The following ZBTB5 variants were observed in gnomAD, a reference collection of about 807,000 sequenced individuals.
ZBTB5 encodes zinc finger and BTB domain-containing protein 5.
ZBTB5 carries 15 observed loss-of-function variants against 37.9 expected under a neutral mutation model. That is an observed-to-expected ratio of 0.40 (90% CI 0.26 to 0.61). The LOEUF is 0.61. Among genes scored for constraint, ZBTB5 ranks in the 20% least tolerant of loss-of-function variants. The pLI, the probability that ZBTB5 is intolerant of heterozygous loss-of-function variation, is 0.47. For missense variants in ZBTB5, 708 were observed against 856.8 expected (o/e 0.83, Z 2.17); for synonymous variants, 315 against 312.4 (o/e 1.01, Z -0.09).
At chr9:37,449,487 C>T (rs1028899628) in intron 1 of ZBTB5, among the ~76,000 whole-genome samples, 1 of 151,926 alleles carries the variant, frequency 6.6e-6, no homozygotes, top group Non-Finnish European at 1.5e-5. Flanking sequence ...CACTTGAGGC[C>T]AGGAGTTTGC....
intron 1 of ZBTB5, among the ~76,000 whole-genome samples, chr9:37,458,767 T>C (rs1824236405): frequency 6.6e-6 from 1 of 152,226 alleles, no homozygotes; most frequent in South Asian, 2.1e-4. Flanking sequence ...GAAATCAGTA[T>C]TTTCCAAATG....
In ZBTB5 at chr9:37,441,211, C is replaced by T; in HGVS notation, c.1341G>A (p.Leu447=). 1.2e-6 allele frequency: 2 copies of T among 1,614,170 alleles called. No individual in the cohort carries two copies. Among genetic ancestry groups the T allele is most frequent in the South Asian group, 2.2e-5 (2 of 91,074 alleles). ...DCRLESEAPY[L]LSPEAGPAGG... ...CTGCAGGCCCAGCCTCTGGACTCAA[C>T]AAATAGGGGGCCTCACTCTCCAGCC... is the stretch of plus-strand genomic sequence containing the variant. Residue 447 remains leucine, a synonymous_variant, in exon 2 of 2, where the codon TTG becomes TTA. Transcript: ENST00000307750.
rs755198535 is a variant in ZBTB5, at chr9:37,442,441, G to C, written c.111C>G (p.Ala37=). The change falls in exon 2 of 2, where the codon GCC becomes GCG. Residue 37 remains alanine, a synonymous_variant. Coordinates refer to ENST00000307750, the MANE Select transcript of ZBTB5 (RefSeq NM_014872.3). ...TGCATGCTGCCAGCACGGAGCGGTG[G>C]GCTTTAAAGTGTCTATTCCCCACTA... is the stretch of plus-strand genomic sequence containing the variant. ...VIVVGNRHFK[A]HRSVLAACST... is the part of the protein sequence containing the mutation. 1.9e-6 allele frequency: 3 copies of C among 1,614,104 alleles called. No homozygotes were observed. Among genetic ancestry groups the C allele is most frequent in the East Asian group, 4.5e-5 (2 of 44,882 alleles).
chr9:37,451,931 T>C (rs955388060), intron 1 of ZBTB5, among the ~76,000 whole-genome samples: 3 of 152,186 alleles, frequency 2.0e-5, no homozygotes, highest in African/African-American at 7.2e-5. Flanking sequence ...AAAAGGCCGA[T>C]CTGAGGTTCA....
intron 1 of ZBTB5, among the ~76,000 whole-genome samples, chr9:37,459,927 G>A (rs1462980957): frequency 6.6e-6 from 1 of 150,466 alleles, no homozygotes; most frequent in Non-Finnish European, 1.5e-5. Context: ...AGTCAGGATG[G>A]TCTCGATCTC....
chr9:37,464,840 G>A (rs1824360861), intron 1 of ZBTB5, among the ~76,000 whole-genome samples: 1 of 152,220 alleles, frequency 6.6e-6, no homozygotes, highest in African/African-American at 2.4e-5. Context: ...CCCAGGATGG[G>A]GGCAAGGGAG....
At chr9:37,456,092 A>G (rs1824183027) in intron 1 of ZBTB5, among the ~76,000 whole-genome samples, 1 of 152,016 alleles carries the variant, frequency 6.6e-6, no homozygotes, top group South Asian at 2.1e-4. Context: ...CTGGGACTAC[A>G]GGTGCGTGTC....
In ZBTB5 at chr9:37,438,322, A is replaced by T. The variant is rs1356320007; in HGVS notation, c.*2196T>A. 1 of 152,654 alleles carries T rather than the reference A, an allele frequency of 6.6e-6. No homozygotes were observed. Among genetic ancestry groups the T allele is most frequent in the African/African-American group, 2.4e-5 (1 of 41,454 alleles). The allele number at this position is 152,654 out of a possible 1,614,324, so 9.5% of individuals were successfully genotyped here. ...ATAATCCAGGTAGAAACTACAGATC[A>T]TAGGAACCCTGGGACTGGTTTTCCA... On this transcript the variant is annotated 3_prime_UTR_variant, in exon 2 of 2. Coordinates refer to ENST00000307750, the MANE Select transcript of ZBTB5 (RefSeq NM_014872.3).
chr9:37,440,001 T>G lies in ZBTB5; in HGVS notation c.*517A>C, dbSNP rs1410162559. Reference sequence around the variant, plus strand: ...AGGTAAAAATAAAAAATACAGTACTTTGAGGCCTAGGACTAGCTCATGATA... The same window carrying G: ...AGGTAAAAATAAAAAATACAGTACTGTGAGGCCTAGGACTAGCTCATGATA... On this transcript the variant is annotated 3_prime_UTR_variant, in exon 2 of 2. Transcript: ENST00000307750. 1 of 159,050 alleles carries G rather than the reference T, an allele frequency of 6.3e-6. No individual in the cohort carries two copies. The highest frequency in any genetic ancestry group is 1.8e-4 in the South Asian group (1 of 5,440). The allele number at this position is 159,050 out of a possible 1,614,324, so 9.9% of individuals were successfully genotyped here. A position where few individuals can be genotyped will look rare whatever the true frequency, so the allele number is the denominator to read the frequency against.
rs1310817744 is a variant in ZBTB5 at position 37,465,417 on chromosome 9, A to G, written c.-207T>C. On this transcript the variant is annotated 5_prime_UTR_variant, in exon 1 of 2. Transcript: ENST00000307750. The stretch of plus-strand genomic sequence containing the variant: ...CAGTTCGCCGCAGCACTCTGAGAAC[A>G]CGGCGGCGGCGCCCGAGGATAAGCG... 6.7e-6 allele frequency: 1 copy of G among 149,534 alleles called. No individual in the cohort carries two copies. The highest frequency in any genetic ancestry group is 1.5e-5 in the Non-Finnish European group (1 of 67,650). 9.3% of individuals were successfully genotyped at this position (149,534 alleles called of 1,614,324 possible).
intron 1 of ZBTB5, among the ~76,000 whole-genome samples, chr9:37,455,756 A>G (rs1305624291): frequency 6.6e-6 from 1 of 152,052 alleles, no homozygotes; most frequent in Non-Finnish European, 1.5e-5. Flanking sequence ...TAGACAGAAC[A>G]TTTCCTCCAC....
Position 37,463,542 on chromosome 9 carries a change from A to C in ZBTB5, c.-5+1673T>G, listed in dbSNP as rs182252645. The stretch of plus-strand genomic sequence containing the variant: ...CACCAGGTTTTGTCAATTTCACTGA[A>C]CACAAGATATTTTAAAGTCTCCAAT... On this transcript the variant is annotated intron_variant, in intron 1 of 1. Coordinates refer to ENST00000307750, the MANE Select transcript of ZBTB5 (RefSeq NM_014872.3). Among the ~76,000 whole-genome samples the C allele has an allele frequency of 2.9e-4, 44 of 152,336 alleles. 2 individuals carry two copies. Among genetic ancestry groups the C allele is most frequent in the African/African-American group, 1.1e-3 (44 of 41,570 alleles).
intron 1 of ZBTB5, among the ~76,000 whole-genome samples, chr9:37,464,768 G>A (rs1305578005): frequency 7.9e-5 from 12 of 152,346 alleles, no homozygotes; most frequent in Non-Finnish European, 4.4e-5. Context: ...GTCGGCCGCT[G>A]GCTCCCGATG....
chr9:37,441,679 A>G lies in ZBTB5; in HGVS notation c.873T>C (p.Arg291=). 1.2e-6 allele frequency: 2 copies of G among 1,613,878 alleles called. No homozygotes were observed. Among genetic ancestry groups the G allele is most frequent in the Non-Finnish European group, 8.5e-7 (1 of 1,179,994 alleles). The change falls in exon 2 of 2, where the codon CGT becomes CGC. Residue 291 remains arginine, a synonymous_variant. Coordinates refer to ENST00000307750, the MANE Select transcript of ZBTB5 (RefSeq NM_014872.3). The part of the protein sequence containing the change: ...GNMAQLSMAS[R]ATQVETSFDQ... The stretch of plus-strand genomic sequence containing the variant: ...CAAAACTAGTCTCAACCTGAGTTGC[A>G]CGAGAGGCCATGGACAACTGTGCCA...
At chr9:37,450,280 CCAGGTATTTACCCCAGACAACGAAGCT>C (rs1824078241) in intron 1 of ZBTB5, among the ~76,000 whole-genome samples, 2 of 151,966 alleles carry the variant, frequency 1.3e-5, no homozygotes, top group Non-Finnish European at 2.9e-5. Flanking sequence ...ACAACGAACC[CCAGGTATTTACCCCAGACAACGAAGCT>C]GCTTCAAAAA....
At chr9:37,462,585 G>C (rs1405664416) in intron 1 of ZBTB5, among the ~76,000 whole-genome samples, 1 of 145,710 alleles carries the variant, frequency 6.9e-6, no homozygotes, top group African/African-American at 2.6e-5. Flanking sequence ...TTTTGAGACA[G>C]GGTCTCACTC....
At chr9:37,464,761 G>A (rs1225978139) in intron 1 of ZBTB5, among the ~76,000 whole-genome samples, 9 of 152,212 alleles carry the variant, frequency 5.9e-5, no homozygotes, top group African/African-American at 2.2e-4. Context: ...CTCCAGGGTC[G>A]GCCGCTGGCT....
chr9:37,441,639 G>A lies in ZBTB5; in HGVS notation c.913C>T (p.Pro305Ser), dbSNP rs746332202. 3.1e-6 allele frequency: 5 copies of A among 1,613,548 alleles called. No homozygotes were observed. Among genetic ancestry groups the A allele is most frequent in the South Asian group, 1.1e-5 (1 of 91,046 alleles). ...VETSFDQEAAPEKSSFQCENP... is the reference protein window; with the variant it reads ...VETSFDQEAASEKSSFQCENP... ...TCACACTGAAAACTACTTTTCTCAG[G>A]TGCAGCTTCCTGATCAAAACTAGTC... is the stretch of plus-strand genomic sequence containing the variant. The change falls in exon 2 of 2, where the codon CCT (proline) becomes TCT (serine). Residue 305 changes from proline (P) to serine (S), a missense_variant. Pro to Ser is a moderately conservative substitution (Grantham distance 74). This residue lies in a region of ZBTB5 where 639 missense variants were observed against 690.5 expected (regional missense o/e 0.93). Transcript: ENST00000307750.
chr9:37,451,555 C>CAAAAAAAAAAAAAAAAAAAAAAAA lies in ZBTB5; in HGVS notation c.-4-9001_-4-9000insTTTTTTTTTTTTTTTTTTTTTTTT, dbSNP rs67502719. Reference sequence around the variant, plus strand: ...CCTGGGTGACAGAGTGAGACTATCTCAAAAAAAAAAAAAAAAAAAAAAGAC... The same window carrying CAAAAAAAAAAAAAAAAAAAAAAAA: ...CCTGGGTGACAGAGTGAGACTATCTCAAAAAAAAAAAAAAAAAAAAAAAAAAAAAAAAAAAAAAAAAAAAAAGAC... On this transcript the variant is annotated intron_variant, in intron 1 of 1. Coordinates refer to ENST00000307750, the MANE Select transcript of ZBTB5 (RefSeq NM_014872.3). 8.2e-5 allele frequency among the ~76,000 whole-genome samples: 6 copies of CAAAAAAAAAAAAAAAAAAAAAAAA among 72,746 alleles called. 1 individual carries two copies. Among genetic ancestry groups the CAAAAAAAAAAAAAAAAAAAAAAAA allele is most frequent in the African/African-American group, 2.1e-4 (4 of 18,622 alleles). 47.7% of individuals were successfully genotyped at this position (72,746 alleles called of 152,430 possible). A position where few individuals can be genotyped will look rare whatever the true frequency, so the allele number is the denominator to read the frequency against.
Sources: allele counts gnomAD v4.1 joint callset (sites outside exome capture counted in the v4.1 genomes callset), GRCh38; gene constraint gnomAD v4.1.1; regional missense constraint gnomAD v4.1.1; transcripts MANE v1.5; gene names NCBI Gene and HGNC (gene_info 2026-07-23, HGNC 2026-07-21).